The following PDGFB variants were observed in gnomAD, a reference collection of about 807,000 sequenced individuals.
The protein encoded by PDGFB is platelet-derived growth factor subunit B.
In PDGFB, 6 loss-of-function variants were observed where a neutral mutation model predicts 29.0. The observed-to-expected ratio is 0.21, with a 90% confidence interval of 0.11 to 0.41. The LOEUF is 0.41. Ranked by LOEUF, PDGFB falls within the 10% of genes least tolerant of loss-of-function variation. The pLI, the probability that PDGFB is intolerant of heterozygous loss-of-function variation, is 1.00. For missense variants in PDGFB, 299 were observed against 341.8 expected (o/e 0.87, Z 0.99); for synonymous variants, 144 against 140.8 (o/e 1.02, Z -0.16).
Position 39,230,187 on chromosome 22 carries a change from C to T in PDGFB, c.498G>A (p.Lys166=), listed in dbSNP as rs1410510090. ...IEIVRKKPIF[K]KATVTLEDHL... Reference sequence around the variant, plus strand: ...GGTCTTCCAGCGTCACCGTGGCCTTCTTAAAGATTGGCTTCTTCCGCACAA... The same window carrying T: ...GGTCTTCCAGCGTCACCGTGGCCTTTTTAAAGATTGGCTTCTTCCGCACAA... The change falls in exon 5 of 7, where the codon AAG becomes AAA. Residue 166 remains lysine, a synonymous_variant. Transcript: ENST00000331163. 6.2e-7 allele frequency: 1 copy of T among 1,613,946 alleles called. No individual in the cohort carries two copies. The highest frequency in any genetic ancestry group is 2.2e-5 in the East Asian group (1 of 44,900).
intron 1 of PDGFB, among the ~76,000 whole-genome samples, chr22:39,237,116 G>A (rs572605497): frequency 1.3e-5 from 2 of 152,204 alleles, no homozygotes; most frequent in East Asian, 1.9e-4. Flanking sequence ...GCTGCCTGAC[G>A]GCGGAGGGGG....
rs1377251348 is a variant in PDGFB at position 39,243,666 on chromosome 22, G to A, written c.63+235C>T. On this transcript the variant is annotated intron_variant, in intron 1 of 6. Coordinates refer to ENST00000331163, the MANE Select transcript of PDGFB (RefSeq NM_002608.4). The surrounding 1 kb of genome is among the most constrained non-coding windows in gnomAD (Gnocchi z 6.4). ...CACACACCCTCCCCCGACACGGAACGGCTTAGGGAGCCAGATTCGCCCGCC... is the reference window on the plus strand; with the variant it reads ...CACACACCCTCCCCCGACACGGAACAGCTTAGGGAGCCAGATTCGCCCGCC... Among the ~76,000 whole-genome samples, 2 of 152,282 alleles carry A rather than the reference G, an allele frequency of 1.3e-5. No homozygotes were observed. Among genetic ancestry groups the A allele is most frequent in the Middle Eastern group, 3.4e-3 (1 of 292 alleles).
In PDGFB at chr22:39,236,002, G is replaced by T. The variant is rs536601400; in HGVS notation, c.64-128C>A. ...TCCAAGGTCACAGGGAGACGGACAG[G>T]CAGGATCCAGGCCTGATGATCAGGA... is the stretch of plus-strand genomic sequence containing the variant. On this transcript the variant is annotated intron_variant, in intron 1 of 6. Transcript: ENST00000331163. 1.2e-5 allele frequency: 8 copies of T among 673,772 alleles called. No individual in the cohort carries two copies. In the African/African-American group the frequency reaches 1.4e-4, roughly 12 times the overall value. 41.7% of individuals were successfully genotyped at this position (673,772 alleles called of 1,614,324 possible). A position where few individuals can be genotyped will look rare whatever the true frequency, so the allele number is the denominator to read the frequency against.
Position 39,242,444 on chromosome 22 carries a change from T to G in PDGFB, c.63+1457A>C. 5.1e-6 allele frequency: 1 copy of G among 196,276 alleles called. No homozygotes were observed. Among genetic ancestry groups the G allele is most frequent in the Non-Finnish European group, 1.0e-5 (1 of 95,468 alleles). 12.2% of individuals were successfully genotyped at this position (196,276 alleles called of 1,614,324 possible). On this transcript the variant is annotated intron_variant, in intron 1 of 6. Transcript: ENST00000331163. This position sits in a 1 kb window ranked among gnomAD's most constrained non-coding sequence, Gnocchi z 5.7. ...CAGCTGGGGCCGGCCGGCCACCCCC[T>G]CCCCAACAGCTGGCCGCGGCCCGGG...
At chr22:39,228,886 C>CAAAAAAAAAAAAAA (rs34953400) in intron 5 of PDGFB, among the ~76,000 whole-genome samples, 70 of 72,528 alleles carry the variant, frequency 9.7e-4, no homozygotes, top group African/African-American at 2.1e-3. Context: ...GAGACTGCCT[C>CAAAAAAAAAAAAAA]AAAAAAAATA....
intron 3 of PDGFB, among the ~76,000 whole-genome samples, chr22:39,232,352 G>A (rs925325827): frequency 4.3e-4 from 66 of 152,156 alleles, no homozygotes; most frequent in African/African-American, 1.5e-3. Context: ...GTGGATCTAA[G>A]GTGTAAAGTG....
intron 2 of PDGFB, among the ~76,000 whole-genome samples, chr22:39,234,878 T>A (rs1175455031): frequency 6.6e-6 from 1 of 151,962 alleles, no homozygotes; most frequent in South Asian, 2.1e-4. Context: ...AAGGCTAAAT[T>A]TGGAAGTTGC....
chr22:39,236,142 T>C (rs1037272239), intron 1 of PDGFB, among the ~76,000 whole-genome samples: 2 of 152,094 alleles, frequency 1.3e-5, no homozygotes, highest in Admixed American at 1.3e-4. Context: ...TGCTTGTCTC[T>C]ATGTCTGTCT....
At chr22:39,238,524 C>T (rs1337930114) in intron 1 of PDGFB, among the ~76,000 whole-genome samples, 1 of 152,180 alleles carries the variant, frequency 6.6e-6, no homozygotes. Flanking sequence ...TATAAACTAC[C>T]AATCCTAAGA....
At chr22:39,236,605 C>G (rs1487437941) in intron 1 of PDGFB, among the ~76,000 whole-genome samples, 1 of 152,124 alleles carries the variant, frequency 6.6e-6, no homozygotes, top group Non-Finnish European at 1.5e-5. Context: ...TTCAACAGGC[C>G]TCATTCGGAG....
At chr22:39,233,767 A>G (rs564652306) in intron 2 of PDGFB, among the ~76,000 whole-genome samples, 16 of 152,330 alleles carry the variant, frequency 1.1e-4, no homozygotes, top group Non-Finnish European at 2.1e-4. Context: ...ATTTTTGGCC[A>G]GAACCCATGT....
rs772581261 is a variant in PDGFB, at chr22:39,233,471, C to T, written c.214G>A (p.Glu72Lys). The T allele has an allele frequency of 1.0e-5, 16 of 1,594,040 alleles. No individual in the cohort carries two copies. The highest frequency in any genetic ancestry group is 7.1e-5 in the East Asian group (3 of 42,262). ...CTTCCACGAGCCAAGCTCTCCAGCT[C>T]GCCTCCAGAGTGGGAGCGGGTCATG... ...LNMTRSHSGG[E>K]LESLARGRRS... Residue 72 changes from glutamate (E) to lysine (K), a missense_variant, in exon 3 of 7, where the codon GAG (glutamate) becomes AAG (lysine). Transcript: ENST00000331163.
chr22:39,230,003 A>G (rs2146436225), intron 5 of PDGFB, 81 bp downstream of exon 5: 1 of 1,507,950 alleles, frequency 6.6e-7, no homozygotes, highest in East Asian at 2.3e-5. Flanking sequence ...GCCTGATCCC[A>G]TTTCCATTTT....
At chr22:39,233,888 C>T (rs902017103) in intron 2 of PDGFB, among the ~76,000 whole-genome samples, 3 of 152,288 alleles carry the variant, frequency 2.0e-5, no homozygotes, top group Admixed American at 1.3e-4. Flanking sequence ...AGTGCCCCTC[C>T]ACCCAGCGTT....
In PDGFB at chr22:39,227,394, G is replaced by A. The variant is rs535471380; in HGVS notation, c.602-1547C>T. Reference sequence around the variant, plus strand: ...CAGGCGTGAGCCACCACGCCCAGCCGATTTCCACATCTTTAAAGCAGAGAA... The same window carrying A: ...CAGGCGTGAGCCACCACGCCCAGCCAATTTCCACATCTTTAAAGCAGAGAA... On this transcript the variant is annotated intron_variant, in intron 5 of 6. Coordinates refer to ENST00000331163, the MANE Select transcript of PDGFB (RefSeq NM_002608.4). Among the ~76,000 whole-genome samples the A allele has an allele frequency of 2.0e-4, 30 of 152,206 alleles. No individual in the cohort carries two copies. In the South Asian group the frequency reaches 5.2e-3, roughly 26 times the overall value.
At chr22:39,238,449 G>C (rs1224575654) in intron 1 of PDGFB, among the ~76,000 whole-genome samples, 2 of 151,936 alleles carry the variant, frequency 1.3e-5, no homozygotes, top group Non-Finnish European at 2.9e-5. Context: ...CCCCGGATTT[G>C]GTAATAATAC....
In PDGFB at chr22:39,230,113, C is replaced by T. The variant is rs776409973; in HGVS notation, c.572G>A (p.Arg191Gln). 2.5e-5 allele frequency: 40 copies of T among 1,613,746 alleles called. No individual in the cohort carries two copies. Among genetic ancestry groups the T allele is most frequent in the Admixed American group, 3.3e-5 (2 of 60,010 alleles). Residue 191 changes from arginine to glutamine, a missense_variant, in exon 5 of 7, where the codon CGA becomes CAA. Coordinates refer to ENST00000331163, the MANE Select transcript of PDGFB (RefSeq NM_002608.4). ...CTGCTCCTGGGAACCCCCCGGGCTT[C>T]GGGTCACAGGCCGTGCAGCTGCCAC... ...ETVAAARPVT[R>Q]SPGGSQEQRA... is the part of the protein sequence containing the mutation.
chr22:39,232,530 G>T (rs781225061), intron 3 of PDGFB, among the ~76,000 whole-genome samples: 4 of 151,464 alleles, frequency 2.6e-5, no homozygotes, highest in Non-Finnish European at 5.9e-5. Flanking sequence ...TTGCTCTGTC[G>T]CCAGGCTGGA....
At chr22:39,230,283 G>A (rs1019299647) in intron 4 of PDGFB, 55 bp from the exon 5 acceptor site, 1 of 1,596,066 alleles carries the variant, frequency 6.3e-7, no homozygotes, top group Admixed American at 1.7e-5. Flanking sequence ...CAGGAGCCCG[G>A]GAAGCCCGAA....
Sources: gnomAD v4.1 joint callset for allele counts (sites outside exome capture counted in the v4.1 genomes callset) on GRCh38, gnomAD v4.1.1 for gene constraint, Gnocchi (gnomAD v3.1) non-coding constraint, MANE v1.5 for transcripts, NCBI Gene and HGNC (gene_info 2026-07-23, HGNC 2026-07-21) for gene names.